Variants in TMEM131 observed in about 807,000 individuals in gnomAD.
TMEM131 encodes 2610524E03Rik.
TMEM131 carries 66 observed loss-of-function variants against 211.6 expected under a neutral mutation model. The observed-to-expected ratio is 0.31, with a 90% CI of 0.26 to 0.38. The LOEUF (loss-of-function observed/expected upper bound fraction) is 0.38, where lower values mean the gene tolerates loss of function less well. Among genes scored for constraint, TMEM131 ranks in the 10% least tolerant of loss-of-function variants. The pLI is 1.00. For synonymous variants in TMEM131, 844 were observed against 841.3 expected (o/e 1.00, Z -0.06); for missense variants, 2,036 against 2,299.3 (o/e 0.89, Z 2.34).
Position 97,995,699 on chromosome 2 carries a change from C to T in TMEM131, c.-37G>A, listed in dbSNP as rs1330741191. 2.5e-6 allele frequency: 3 copies of T among 1,182,756 alleles called. No homozygotes were observed. Among genetic ancestry groups the T allele is most frequent in the South Asian group, 4.2e-5 (1 of 23,896 alleles). The allele number at this position is 1,182,756 out of a possible 1,614,324, so 73.3% of individuals were successfully genotyped here. A position where few individuals can be genotyped will look rare whatever the true frequency, so the allele number is the denominator to read the frequency against. ...GGGGGCCGCCGCGCTCGAGGTCCGG[C>T]GCGGCCCTTCTCGGCGAGGCGGCGG... On this transcript the variant is annotated 5_prime_UTR_variant, in exon 1 of 41. Coordinates refer to ENST00000186436, the MANE Select transcript of TMEM131 (RefSeq NM_015348.2).
At chr2:97,911,104 C>T (rs1385240662) in intron 2 of TMEM131, among the ~76,000 whole-genome samples, 2 of 152,154 alleles carry the variant, frequency 1.3e-5, no homozygotes, top group Non-Finnish European at 2.9e-5. Flanking sequence ...TGGAATACGA[C>T]TCAGCAATAA....
Position 97,797,478 on chromosome 2 carries a change from G to C in TMEM131, c.2757C>G (p.Gly919=). The part of the protein sequence containing the change: ...PLQSSTGFME[G]LSRHLILNLI... ...GGTTTAAAATTAAATGTCGAGAGAG[G>C]CCCTCCATAAATCCTGTTGAACTCT... The change falls in exon 26 of 41, where the codon GGC becomes GGG. Residue 919 remains glycine, a synonymous_variant. Transcript: ENST00000186436. 1 of 1,613,380 alleles carries C rather than the reference G, an allele frequency of 6.2e-7. No individual in the cohort carries two copies. Among genetic ancestry groups the C allele is most frequent in the South Asian group, 1.1e-5 (1 of 91,024 alleles).
chr2:97,808,858 G>C (rs1277479749), intron 19 of TMEM131, among the ~76,000 whole-genome samples: 2 of 152,182 alleles, frequency 1.3e-5, no homozygotes, highest in African/African-American at 4.8e-5. Flanking sequence ...GATGACAATG[G>C]AATTGAATCT....
chr2:97,892,963 A>C (rs539750461), intron 3 of TMEM131, among the ~76,000 whole-genome samples: 1 of 152,226 alleles, frequency 6.6e-6, no homozygotes, highest in African/African-American at 2.4e-5. Flanking sequence ...TTTGTTACAC[A>C]GGTATACATG....
chr2:97,985,922 A>C (rs748665161), intron 1 of TMEM131, among the ~76,000 whole-genome samples: 25 of 152,026 alleles, frequency 1.6e-4, no homozygotes, highest in Non-Finnish European at 8.8e-5. Context: ...AGGGGTGTTA[A>C]GGTATCAGAA....
At chr2:97,878,596 A>G (rs1253336129) in intron 4 of TMEM131, among the ~76,000 whole-genome samples, 1 of 152,166 alleles carries the variant, frequency 6.6e-6, no homozygotes, top group Non-Finnish European at 1.5e-5. Flanking sequence ...CTACCACAAG[A>G]GCAGAAAACC....
chr2:97,756,914 TA>T lies in TMEM131; in HGVS notation c.*184del, dbSNP rs1678513828. 5 of 633,158 alleles carry T rather than the reference TA, an allele frequency of 7.9e-6. No homozygotes were observed. The South Asian group carries it at 1.5e-4, about 19-fold the overall frequency. The allele number at this position is 633,158 out of a possible 1,614,324, so 39.2% of individuals were successfully genotyped here. On this transcript the variant is annotated 3_prime_UTR_variant, in exon 41 of 41. Transcript: ENST00000186436. ...AAAAGCACAACAGCAAATCTCATGTTATCATAATTGCAAGAAAGATCTGAAA... is the reference window on the plus strand; with the variant it reads ...AAAAGCACAACAGCAAATCTCATGTTTCATAATTGCAAGAAAGATCTGAAA...
intron 3 of TMEM131, chr2:97,907,152 G>C (rs1192918376): frequency 6.6e-6 from 1 of 152,072 alleles, no homozygotes; most frequent in Non-Finnish European, 1.5e-5. Flanking sequence ...AGAGTTCTAG[G>C]GTTCTTAGAT....
chr2:97,988,007 T>G (rs1680101793), intron 1 of TMEM131, among the ~76,000 whole-genome samples: 1 of 152,182 alleles, frequency 6.6e-6, no homozygotes, highest in Non-Finnish European at 1.5e-5. Context: ...CAAAATAATC[T>G]TGAAAAGGAA....
chr2:97,787,337 C>T (rs1031621404), intron 31 of TMEM131, among the ~76,000 whole-genome samples: 17 of 152,214 alleles, frequency 1.1e-4, no homozygotes, highest in Non-Finnish European at 2.2e-4. Context: ...AGAACTATTT[C>T]AGGGAAGTTT....
chr2:97,784,715 T>C (rs1680170871), intron 31 of TMEM131, among the ~76,000 whole-genome samples: 1 of 151,774 alleles, frequency 6.6e-6, no homozygotes, highest in East Asian at 1.9e-4. Flanking sequence ...GAAAAATAAA[T>C]CTAAAGTAAG....
chr2:97,931,858 T>C (rs1677234092), intron 1 of TMEM131, among the ~76,000 whole-genome samples: 1 of 152,200 alleles, frequency 6.6e-6, no homozygotes, highest in Non-Finnish European at 1.5e-5. Flanking sequence ...TTCTCCTCCT[T>C]CAAGTCTCAG....
chr2:97,757,514 G>T, intron 40 of TMEM131, 131 bp from the exon 41 acceptor site: 2 of 1,023,822 alleles, frequency 2.0e-6, no homozygotes, highest in Non-Finnish European at 2.8e-6. Context: ...TAGAACAAAT[G>T]TTATATATAT....
At chr2:97,908,309 C>A (rs1573541607) in intron 3 of TMEM131, among the ~76,000 whole-genome samples, 1 of 152,080 alleles carries the variant, frequency 6.6e-6, no homozygotes, top group South Asian at 2.1e-4. Context: ...TGCGGGCAGA[C>A]CCCTGGTAAC....
At chr2:97,914,153 C>T (rs1333085251) in intron 2 of TMEM131, among the ~76,000 whole-genome samples, 1 of 152,100 alleles carries the variant, frequency 6.6e-6, no homozygotes, top group Admixed American at 6.5e-5. Flanking sequence ...CAAAAGGGGT[C>T]TTTCCTGACT....
chr2:97,774,191 T>C (rs1679600590), intron 32 of TMEM131, among the ~76,000 whole-genome samples: 1 of 152,258 alleles, frequency 6.6e-6, no homozygotes, highest in African/African-American at 2.4e-5. Context: ...GAAGTCTTTC[T>C]TGAATACTTG....
At chr2:97,820,575 C>A (rs1313820198) in intron 11 of TMEM131, among the ~76,000 whole-genome samples, 1 of 152,120 alleles carries the variant, frequency 6.6e-6, no homozygotes, top group Non-Finnish European at 1.5e-5. Flanking sequence ...AAAAAAAATC[C>A]TGGCTGGGCA....
At chr2:97,793,703 CCA>C (rs1249670164) in intron 29 of TMEM131, 150 bp from the exon 30 acceptor site, 5 of 827,188 alleles carry the variant, frequency 6.0e-6, no homozygotes, top group Admixed American at 6.2e-5. Flanking sequence ...CAGACAAAAC[CCA>C]CAGTTTTGGC....
intron 2 of TMEM131, 108 bp from the exon 3 acceptor site, chr2:97,908,806 C>A: frequency 3.3e-6 from 3 of 914,992 alleles, no homozygotes; most frequent in Non-Finnish European, 4.9e-6. Flanking sequence ...TCATTTTATA[C>A]CCATTTGGAT....
Sources: allele counts gnomAD v4.1 joint callset (sites outside exome capture counted in the v4.1 genomes callset), GRCh38; gene constraint gnomAD v4.1.1; transcripts MANE v1.5; gene names NCBI Gene and HGNC (gene_info 2026-07-23, HGNC 2026-07-21).